Variants in SUSD1 observed in about 807,000 individuals in gnomAD.
SUSD1 encodes the protein sushi domain-containing protein 1.
In SUSD1, 65 loss-of-function variants were observed where a neutral mutation model predicts 86.9. The observed-to-expected ratio is 0.75, with a 90% confidence interval of 0.61 to 0.92. The LOEUF is 0.92. Among genes scored for constraint, SUSD1 ranks in the 40% least tolerant of loss-of-function variants. SUSD1 has a pLI of 0.00. For missense variants in SUSD1, 850 were observed against 929.7 expected (o/e 0.91, Z 1.11); for synonymous variants, 346 against 350.0 (o/e 0.99, Z 0.13).
At chr9:112,073,749 CG>C (rs1458569037) in intron 12 of SUSD1, among the ~76,000 whole-genome samples, 1 of 151,766 alleles carries the variant, frequency 6.6e-6, no homozygotes, top group Non-Finnish European at 1.5e-5. Flanking sequence ...TAAAATTAGA[CG>C]GGGCTGGTGA....
rs1039179467 is a variant in SUSD1 at position 112,143,587 on chromosome 9, T to C, written c.410A>G (p.His137Arg). The C allele has an allele frequency of 2.5e-6, 4 of 1,613,554 alleles. No individual in the cohort carries two copies. The African/African-American group carries it at 4.0e-5, about 16-fold the overall frequency. Reference protein sequence around the residue: ...DECEVSGLCRHGGRCVNTHGS... With the variant: ...DECEVSGLCRRGGRCVNTHGS... Reference sequence around the variant, plus strand: ...ATGAGTGTTCACGCATCGCCCTCCATGCCTGCACAGGCCAGAAACTTCACA... The same window carrying C: ...ATGAGTGTTCACGCATCGCCCTCCACGCCTGCACAGGCCAGAAACTTCACA... The change falls in exon 4 of 17, where the codon CAT becomes CGT. Residue 137 changes from histidine to arginine, a missense_variant. His to Arg is a conservative substitution (Grantham distance 29, BLOSUM62 0). Coordinates refer to ENST00000374270, the MANE Select transcript of SUSD1 (RefSeq NM_022486.5).
chr9:112,127,989 G>C (rs1831852057), intron 5 of SUSD1, among the ~76,000 whole-genome samples: 1 of 151,414 alleles, frequency 6.6e-6, no homozygotes, highest in Non-Finnish European at 1.5e-5. Context: ...TTTTTGTAGA[G>C]ACGGGGTCTC....
At chr9:112,077,261 G>A (rs1380962043) in intron 12 of SUSD1, among the ~76,000 whole-genome samples, 1 of 152,110 alleles carries the variant, frequency 6.6e-6, no homozygotes, top group Non-Finnish European at 1.5e-5. Context: ...GGACAGGAAG[G>A]GAGGCAGAAC....
At chr9:112,090,327 G>C (rs12339047) in intron 10 of SUSD1, among the ~76,000 whole-genome samples, 3,051 of 152,066 alleles carry the variant, frequency 0.02, 100 homozygotes, top group African/African-American at 0.069. Context: ...AGCTTAAACC[G>C]ACCAATTTCC....
intron 5 of SUSD1, among the ~76,000 whole-genome samples, chr9:112,135,366 A>T (rs1386758122): frequency 6.6e-6 from 1 of 152,186 alleles, no homozygotes; most frequent in African/African-American, 2.4e-5. Context: ...TTCATATAAC[A>T]CTTATCATCA....
intron 10 of SUSD1, among the ~76,000 whole-genome samples, chr9:112,087,779 T>C (rs1830045293): frequency 6.6e-6 from 1 of 152,124 alleles, no homozygotes; most frequent in African/African-American, 2.4e-5. Context: ...CTGAAGAAGA[T>C]AAACAAGCAT....
chr9:112,172,225 G>A (rs1008629410), intron 1 of SUSD1, among the ~76,000 whole-genome samples: 4 of 149,552 alleles, frequency 2.7e-5, no homozygotes, highest in Admixed American at 6.7e-5. Flanking sequence ...TATCTACTCC[G>A]TAAACAAGGT....
chr9:112,051,085 T>C (rs1828169539), intron 15 of SUSD1, among the ~76,000 whole-genome samples: 3 of 152,244 alleles, frequency 2.0e-5, no homozygotes, highest in Admixed American at 2.0e-4. Flanking sequence ...TGATCACTGC[T>C]ACAGGGCCCC....
chr9:112,081,864 G>T (rs1276214038), intron 10 of SUSD1, among the ~76,000 whole-genome samples: 1 of 152,162 alleles, frequency 6.6e-6, no homozygotes, highest in Non-Finnish European at 1.5e-5. Flanking sequence ...TTAAAAGAGA[G>T]AAACCATGTG....
chr9:112,098,691 A>G (rs750471093), intron 9 of SUSD1, 29 bp from the exon 10 acceptor site: 2 of 1,610,120 alleles, frequency 1.2e-6, no homozygotes, highest in East Asian at 2.2e-5. Flanking sequence ...AAAGTGTTAC[A>G]TTAGATTTTC....
intron 13 of SUSD1, among the ~76,000 whole-genome samples, chr9:112,060,147 G>T (rs1159713928): frequency 6.6e-6 from 1 of 152,118 alleles, no homozygotes; most frequent in Non-Finnish European, 1.5e-5. Flanking sequence ...AAGAGCCCAT[G>T]AATCACTAGG....
chr9:112,161,980 G>A (rs1833591208), intron 1 of SUSD1, among the ~76,000 whole-genome samples: 1 of 151,990 alleles, frequency 6.6e-6, no homozygotes, highest in Non-Finnish European at 1.5e-5. Context: ...TAGCTAAAAT[G>A]GTAAAATTTT....
At chr9:112,168,188 G>A (rs1361672793) in intron 1 of SUSD1, among the ~76,000 whole-genome samples, 6 of 152,154 alleles carry the variant, frequency 3.9e-5, no homozygotes, top group African/African-American at 1.4e-4. Context: ...ACGACTCTTT[G>A]TTAATGAATA....
chr9:112,085,019 A>G (rs567384717), intron 10 of SUSD1, among the ~76,000 whole-genome samples: 1 of 152,266 alleles, frequency 6.6e-6, no homozygotes, highest in East Asian at 1.9e-4. Flanking sequence ...TGTATTATTG[A>G]TCTTTGTCTA....
At chr9:112,057,894 C>T (rs79673417) in intron 14 of SUSD1, among the ~76,000 whole-genome samples, 13 of 152,138 alleles carry the variant, frequency 8.5e-5, no homozygotes, top group Non-Finnish European at 1.2e-4. Flanking sequence ...TAATGCAGCT[C>T]CATGATGTTT....
At chr9:112,119,341 C>T (rs1319457332) in intron 6 of SUSD1, among the ~76,000 whole-genome samples, 1 of 152,120 alleles carries the variant, frequency 6.6e-6, no homozygotes, top group Non-Finnish European at 1.5e-5. Context: ...CCATTTATTC[C>T]GGCTGACCTT....
intron 10 of SUSD1, among the ~76,000 whole-genome samples, 179 bp downstream of exon 10, chr9:112,098,291 G>A (rs1157607033): frequency 6.6e-6 from 1 of 152,130 alleles, no homozygotes; most frequent in African/African-American, 2.4e-5. Flanking sequence ...ACCCTTCAGG[G>A]AAGGGGATAA....
chr9:112,145,106 G>A (rs1832752415), intron 3 of SUSD1, among the ~76,000 whole-genome samples: 1 of 151,898 alleles, frequency 6.6e-6, no homozygotes, highest in African/African-American at 2.4e-5. Flanking sequence ...ATTTTCATCA[G>A]AGCCACATAG....
chr9:112,042,132 T>C (rs1206166575), intron 15 of SUSD1, 172 bp from the exon 16 acceptor site: 5 of 1,539,896 alleles, frequency 3.2e-6, no homozygotes, highest in East Asian at 2.4e-5. Context: ...CCTGTGGATA[T>C]GCAGCCTCAG....
Sources: gnomAD v4.1 joint callset for allele counts (sites outside exome capture counted in the v4.1 genomes callset) on GRCh38, gnomAD v4.1.1 for gene constraint, MANE v1.5 for transcripts, NCBI Gene and HGNC (gene_info 2026-07-23, HGNC 2026-07-21) for gene names.